The following RELN variants were observed in gnomAD, a reference collection of about 807,000 sequenced individuals.
RELN encodes the protein reelin.
Under a neutral mutation model 427.6 loss-of-function variants are expected in RELN, and 108 were observed. That is an observed-to-expected ratio of 0.25 (90% CI 0.22 to 0.30). The LOEUF is 0.30. Among genes scored for constraint, RELN ranks in the 10% least tolerant of loss-of-function variants. RELN has a pLI of 1.00. For synonymous variants in RELN, 1,524 were observed against 1,513.4 expected (o/e 1.01, Z -0.16); for missense variants, 3,715 against 4,302.8 (o/e 0.86, Z 3.82).
At chr7:103,472,996 C>A (rs1464750957) in intron 64 of RELN, 88 bp from the exon 65 acceptor site, 1 of 1,061,836 alleles carries the variant, frequency 9.4e-7, no homozygotes, top group South Asian at 1.3e-5. Context: ...TATTCTAGGT[C>A]CTAAGTTACT....
At chr7:103,946,555 G>C (rs1394819851) in intron 1 of RELN, among the ~76,000 whole-genome samples, 1 of 152,114 alleles carries the variant, frequency 6.6e-6, no homozygotes, top group Non-Finnish European at 1.5e-5. Context: ...TTCATGAGCT[G>C]CTCAGAATAT....
intron 2 of RELN, among the ~76,000 whole-genome samples, chr7:103,852,507 TGTAAA>T (rs1214392506): frequency 6.6e-6 from 1 of 152,190 alleles, no homozygotes; most frequent in East Asian, 1.9e-4. Flanking sequence ...AATCAATGTA[TGTAAA>T]GTGTCTAGCA....
chr7:103,956,406 C>A (rs142626826), intron 1 of RELN, among the ~76,000 whole-genome samples: 2 of 152,174 alleles, frequency 1.3e-5, no homozygotes, highest in Admixed American at 1.3e-4. Flanking sequence ...AAAGAAAAGA[C>A]CAGGATAAAC....
chr7:103,854,793 T>G (rs1159556636), intron 2 of RELN, among the ~76,000 whole-genome samples: 2 of 152,224 alleles, frequency 1.3e-5, no homozygotes, highest in African/African-American at 4.8e-5. Context: ...TGTGTCTCTC[T>G]CATCTGTTGT....
chr7:103,887,642 T>C (rs979918983), intron 2 of RELN, among the ~76,000 whole-genome samples: 2 of 152,112 alleles, frequency 1.3e-5, no homozygotes, highest in Non-Finnish European at 2.9e-5. Context: ...CTGGATGTTA[T>C]ATGAGTAAGA....
rs1178525467 is a variant in RELN, at chr7:103,503,141, A to G, written c.8364T>C (p.Tyr2788=). 6.2e-7 allele frequency: 1 copy of G among 1,614,122 alleles called. No individual in the cohort carries two copies. Among genetic ancestry groups the G allele is most frequent in the African/African-American group, 1.3e-5 (1 of 74,954 alleles). ...YSTDFGVSWN[Y]LVPQCLPADP... ...CAGCAGGCAAGCACTGAGGGACCAGATAATTCCAACTCACACCGAAGTCAG... is the reference window on the plus strand; with the variant it reads ...CAGCAGGCAAGCACTGAGGGACCAGGTAATTCCAACTCACACCGAAGTCAG... Residue 2788 remains tyrosine (Y), a synonymous_variant, in exon 52 of 65, where the codon TAT becomes TAC. Coordinates refer to ENST00000428762, the MANE Select transcript of RELN (RefSeq NM_005045.4).
At chr7:103,597,150 G>C (rs903851339) in intron 24 of RELN, among the ~76,000 whole-genome samples, 5 of 152,056 alleles carry the variant, frequency 3.3e-5, no homozygotes, top group Admixed American at 6.6e-5. Context: ...TCCTCATATG[G>C]TGTTGTGACA....
intron 17 of RELN, among the ~76,000 whole-genome samples, chr7:103,638,968 G>T (rs1832641465): frequency 6.6e-6 from 1 of 152,096 alleles, no homozygotes; most frequent in African/African-American, 2.4e-5. Context: ...TCTATTTTTT[G>T]AAAATAAAAG....
In RELN at chr7:103,917,070, C is replaced by T. The variant is rs745987691; in HGVS notation, c.337+5G>A. 6.2e-7 allele frequency: 1 copy of T among 1,610,426 alleles called. No homozygotes were observed. Among genetic ancestry groups the T allele is most frequent in the Non-Finnish European group, 8.5e-7 (1 of 1,176,836 alleles). ...CCAAATTTCTGGTTTGTGAGAATAG[C>T]TTACCAAATCCGAAAGCACTGGAAC... On this transcript the variant is annotated splice_donor_5th_base_variant and intron_variant, in intron 2 of 64. Transcript: ENST00000428762.
chr7:103,975,276 T>G (rs552538761), intron 1 of RELN, among the ~76,000 whole-genome samples: 1 of 152,318 alleles, frequency 6.6e-6, no homozygotes, highest in Admixed American at 6.5e-5. Context: ...TGCTCACTGA[T>G]TAAATAAAAA....
chr7:103,481,746 C>A (rs951098083), intron 63 of RELN, among the ~76,000 whole-genome samples: 1 of 152,174 alleles, frequency 6.6e-6, no homozygotes, highest in East Asian at 1.9e-4. Context: ...TACATAGATT[C>A]ATTTCAGCAC....
At chr7:103,761,350 T>A (rs745320690) in intron 4 of RELN, among the ~76,000 whole-genome samples, 1 of 152,224 alleles carries the variant, frequency 6.6e-6, no homozygotes, top group Non-Finnish European at 1.5e-5. Flanking sequence ...TGGGGAGATA[T>A]CCACACATTT....
chr7:103,550,015 T>C (rs1034271178), intron 41 of RELN, among the ~76,000 whole-genome samples: 2 of 152,220 alleles, frequency 1.3e-5, no homozygotes, highest in African/African-American at 4.8e-5. Context: ...TGAGGACTTT[T>C]TGCTTAGTAA....
At chr7:103,607,559 T>C (rs984350142) in intron 22 of RELN, among the ~76,000 whole-genome samples, 3 of 152,216 alleles carry the variant, frequency 2.0e-5, no homozygotes, top group Admixed American at 2.0e-4. Context: ...ACTACTGTTG[T>C]GTGGGTCATG....
rs1486454041 is a variant in RELN, at chr7:103,953,099, G to A, written c.227-35914C>T. Reference sequence around the variant, plus strand: ...TACCGTTCTCTTCCTCATCCCACGCGCTGATTCAAGCTCCAAGATTCCTGC... The same window carrying A: ...TACCGTTCTCTTCCTCATCCCACGCACTGATTCAAGCTCCAAGATTCCTGC... On this transcript the variant is annotated intron_variant, in intron 1 of 64. Coordinates refer to ENST00000428762, the MANE Select transcript of RELN (RefSeq NM_005045.4). This position sits in a 1 kb window ranked among gnomAD's most constrained non-coding sequence, Gnocchi z 4.3. 1.3e-5 allele frequency among the ~76,000 whole-genome samples: 2 copies of A among 151,990 alleles called. No homozygotes were observed. Among genetic ancestry groups the A allele is most frequent in the Non-Finnish European group, 2.9e-5 (2 of 68,008 alleles).
chr7:103,577,003 G>A (rs748184857), intron 28 of RELN, among the ~76,000 whole-genome samples: 23 of 152,036 alleles, frequency 1.5e-4, no homozygotes, highest in Non-Finnish European at 2.9e-5. Context: ...TTCATACCAG[G>A]GAACTATCTC....
rs57222823 is a variant in RELN, at chr7:103,644,946, A to G, written c.2003-4337T>C. On this transcript the variant is annotated intron_variant, in intron 16 of 64. Transcript: ENST00000428762. ...CAGTGGAATTCTTAATAGAAACCTTATAAGCCAGAAGAGATTGGGATCCTA... is the reference window on the plus strand; with the variant it reads ...CAGTGGAATTCTTAATAGAAACCTTGTAAGCCAGAAGAGATTGGGATCCTA... Among the ~76,000 whole-genome samples, 948 of 151,908 alleles carry G rather than the reference A, an allele frequency of 6.2e-3. 7 individuals carry two copies. The highest frequency in any genetic ancestry group is 0.019 in the African/African-American group (784 of 41,528).
rs370043910 is a variant in RELN, at chr7:103,818,421, TCTTAA to T, written c.473+15111_473+15115del. ...GAATAGTGACAGGAACCTGGCATTA[TCTTAA>T]CTTATGAGTAATTATGAAACATTAT... On this transcript the variant is annotated intron_variant, in intron 3 of 64. Transcript: ENST00000428762. Among the ~76,000 whole-genome samples, 450 of 152,332 alleles carry T rather than the reference TCTTAA, an allele frequency of 3.0e-3. 3 individuals are homozygous for T. The highest frequency in any genetic ancestry group is 0.01 in the African/African-American group (435 of 41,586).
chr7:103,653,633 T>C (rs1385604244), intron 13 of RELN, among the ~76,000 whole-genome samples: 1 of 152,062 alleles, frequency 6.6e-6, no homozygotes, highest in African/African-American at 2.4e-5. Flanking sequence ...CTGTTCTATA[T>C]GCAAAGGGTA....
Sources: gnomAD v4.1 joint callset for allele counts (sites outside exome capture counted in the v4.1 genomes callset) on GRCh38, gnomAD v4.1.1 for gene constraint, Gnocchi (gnomAD v3.1) non-coding constraint, MANE v1.5 for transcripts, NCBI Gene and HGNC (gene_info 2026-07-23, HGNC 2026-07-21) for gene names.